OPCML: variants seen among roughly 807,000 people sequenced by gnomAD.
OPCML encodes opioid-binding protein/cell adhesion molecule.
Under a neutral mutation model 37.8 loss-of-function variants are expected in OPCML, and 13 were observed. The ratio of observed to expected loss-of-function variants is 0.34; its 90% CI spans 0.22 to 0.55. The LOEUF is 0.55. OPCML is among the 20% of genes least tolerant of loss of function. The pLI is 0.91. For synonymous variants in OPCML, 176 were observed against 168.8 expected (o/e 1.04, Z -0.33); for missense variants, 341 against 435.6 (o/e 0.78, Z 1.93).
intron 1 of OPCML, among the ~76,000 whole-genome samples, chr11:133,368,077 G>T (rs991254772): frequency 1.3e-5 from 2 of 152,180 alleles, no homozygotes; most frequent in African/African-American, 4.8e-5. Context: ...TGCCAGGGCT[G>T]GTTATTATAA....
intron 1 of OPCML, among the ~76,000 whole-genome samples, chr11:133,196,604 T>G (rs778324163): frequency 6.6e-6 from 1 of 152,202 alleles, no homozygotes; most frequent in Admixed American, 6.5e-5. Context: ...ACTGAGAGAT[T>G]TATTGACAGT....
intron 1 of OPCML, among the ~76,000 whole-genome samples, chr11:133,467,582 G>A (rs1057431521): frequency 1.3e-5 from 2 of 152,152 alleles, no homozygotes; most frequent in Non-Finnish European, 2.9e-5. Context: ...TGGCCAGAGA[G>A]GGAAGTAAGA....
intron 2 of OPCML, among the ~76,000 whole-genome samples, chr11:132,825,240 A>C (rs1043354371): frequency 6.6e-6 from 1 of 152,158 alleles, no homozygotes; most frequent in African/African-American, 2.4e-5. Context: ...TGTTTATTAC[A>C]TGGATGAATA....
intron 3 of OPCML, among the ~76,000 whole-genome samples, chr11:132,603,135 C>G (rs1938039181): frequency 6.6e-6 from 1 of 152,156 alleles, no homozygotes; most frequent in Non-Finnish European, 1.5e-5. Flanking sequence ...TTGGTGTTCT[C>G]CAGGAATTAA....
At chr11:132,902,114 C>G (rs1411047708) in intron 2 of OPCML, among the ~76,000 whole-genome samples, 1 of 152,154 alleles carries the variant, frequency 6.6e-6, no homozygotes, top group Non-Finnish European at 1.5e-5. Flanking sequence ...GAGGCCAGAT[C>G]AGAGGAAATG....
rs1945663538 is a variant in OPCML, at chr11:132,943,702, G to T, written c.62-692C>A. 6.6e-6 allele frequency: 1 copy of T among 151,986 alleles called. No individual in the cohort carries two copies. Among genetic ancestry groups the T allele is most frequent in the South Asian group, 2.1e-4 (1 of 4,828 alleles). The allele number at this position is 151,986 out of a possible 1,614,324, so 9.4% of individuals were successfully genotyped here. A position where few individuals can be genotyped will look rare whatever the true frequency, so the allele number is the denominator to read the frequency against. The stretch of plus-strand genomic sequence containing the variant: ...GCAGCCGGCGCAGCCAGGGTCGTCC[G>T]GTCGGTGGCCGTCCTCTGCAGCCCG... On this transcript the variant is annotated intron_variant, in intron 1 of 7. Coordinates refer to ENST00000524381, the MANE Select transcript of OPCML (RefSeq NM_001012393.5). This position sits in a 1 kb window ranked among gnomAD's most constrained non-coding sequence, Gnocchi z 4.3.
At chr11:132,455,903 G>T (rs868405576) in intron 4 of OPCML, among the ~76,000 whole-genome samples, 1 of 152,166 alleles carries the variant, frequency 6.6e-6, no homozygotes, top group East Asian at 1.9e-4. Context: ...GATGATATGC[G>T]TTAGTGGTTA....
chr11:132,538,182 G>A (rs2096345990), intron 3 of OPCML, among the ~76,000 whole-genome samples: 1 of 151,970 alleles, frequency 6.6e-6, no homozygotes, highest in African/African-American at 2.4e-5. Context: ...GAGATGAATG[G>A]ATAAACAAAA....
At position 132,822,347 on chromosome 11, in the gene OPCML, A is replaced by G. The variant is rs193089160; in HGVS notation, c.146+120579T>C. Reference sequence around the variant, plus strand: ...AAGTGGTTCCATATTTCTTTCCACCATTTGTAAATGCATGAATAACTTCTA... The same window carrying G: ...AAGTGGTTCCATATTTCTTTCCACCGTTTGTAAATGCATGAATAACTTCTA... On this transcript the variant is annotated intron_variant, in intron 2 of 7. Transcript: ENST00000524381. Among the ~76,000 whole-genome samples, 6 of 152,218 alleles carry G rather than the reference A, an allele frequency of 3.9e-5. No individual in the cohort carries two copies. In the East Asian group the frequency reaches 5.8e-4, roughly 15 times the overall value.
chr11:133,080,644 A>G (rs888928396), intron 1 of OPCML, among the ~76,000 whole-genome samples: 4 of 152,008 alleles, frequency 2.6e-5, no homozygotes, highest in Non-Finnish European at 5.9e-5. Context: ...AAATCAGCAA[A>G]ACACCCAAAC....
chr11:133,424,001 A>G (rs1468467871), intron 1 of OPCML, among the ~76,000 whole-genome samples: 1 of 152,234 alleles, frequency 6.6e-6, no homozygotes, highest in Non-Finnish European at 1.5e-5. Context: ...ATCCTGTATA[A>G]CCATGAGCTA....
chr11:132,904,657 T>G (rs74744177), intron 2 of OPCML, among the ~76,000 whole-genome samples: 5,367 of 152,254 alleles, frequency 0.035, 311 homozygotes, highest in African/African-American at 0.12. Flanking sequence ...AGGCTAATGG[T>G]TCTATAAATT....
chr11:132,970,758 A>T (rs1565373743), intron 1 of OPCML, among the ~76,000 whole-genome samples: 1 of 152,112 alleles, frequency 6.6e-6, no homozygotes. Context: ...TGTCAGGGCC[A>T]GTTCTGTCTT....
intron 1 of OPCML, among the ~76,000 whole-genome samples, chr11:133,166,692 T>A (rs1203450667): frequency 6.6e-6 from 1 of 152,180 alleles, no homozygotes; most frequent in Non-Finnish European, 1.5e-5. Flanking sequence ...TCATCAGACC[T>A]CCTTCTCCCT....
chr11:132,908,876 C>T (rs558429944), intron 2 of OPCML, among the ~76,000 whole-genome samples: 102 of 152,350 alleles, frequency 6.7e-4, no homozygotes, highest in Admixed American at 1.5e-3. Flanking sequence ...GCCTTCAGAC[C>T]TGCAGGATTG....
chr11:132,999,857 G>A (rs1946964463), intron 1 of OPCML, among the ~76,000 whole-genome samples: 1 of 152,146 alleles, frequency 6.6e-6, no homozygotes, highest in South Asian at 2.1e-4. Flanking sequence ...GGAAGTGGAA[G>A]TTTCTCCCAC....
chr11:133,406,578 G>A (rs939677454), intron 1 of OPCML, among the ~76,000 whole-genome samples: 1 of 152,186 alleles, frequency 6.6e-6, no homozygotes, highest in African/African-American at 2.4e-5. Flanking sequence ...TTGCCCATTG[G>A]ATAAATGCTG....
intron 3 of OPCML, among the ~76,000 whole-genome samples, chr11:132,602,046 T>C (rs1032859985): frequency 6.6e-6 from 1 of 152,196 alleles, no homozygotes; most frequent in Non-Finnish European, 1.5e-5. Context: ...ACAACCGTTA[T>C]GAGAGACAGA....
chr11:133,382,054 G>A (rs1233931621), intron 1 of OPCML, among the ~76,000 whole-genome samples: 9 of 152,206 alleles, frequency 5.9e-5, no homozygotes, highest in Admixed American at 4.6e-4. Context: ...CTTGCAGGCT[G>A]TCTCATCAAT....
Sources: gnomAD v4.1 joint callset for allele counts (sites outside exome capture counted in the v4.1 genomes callset) on GRCh38, gnomAD v4.1.1 for gene constraint, Gnocchi (gnomAD v3.1) non-coding constraint, MANE v1.5 for transcripts, NCBI Gene and HGNC (gene_info 2026-07-23, HGNC 2026-07-21) for gene names.